The following CTNND2 variants were observed in gnomAD, a reference collection of about 807,000 sequenced individuals.
CTNND2 encodes catenin delta 2.
A neutral mutation model predicts 144.4 loss-of-function variants in CTNND2; 22 were observed. The ratio of observed to expected loss-of-function variants is 0.15; its 90% CI spans 0.11 to 0.22. CTNND2 has a LOEUF of 0.22. Among genes scored for constraint, CTNND2 ranks in the 10% least tolerant of loss-of-function variants. The pLI is 1.00. For missense variants in CTNND2, 1,353 were observed against 1,618.8 expected (o/e 0.84, Z 2.82); for synonymous variants, 751 against 695.6 (o/e 1.08, Z -1.25).
chr5:11,388,523 C>G (rs1026525361), intron 6 of CTNND2, among the ~76,000 whole-genome samples: 3 of 152,194 alleles, frequency 2.0e-5, no homozygotes, highest in Admixed American at 6.5e-5. Flanking sequence ...AATAAATAAA[C>G]CAGGGGTGCT....
intron 3 of CTNND2, among the ~76,000 whole-genome samples, chr5:11,533,406 A>T (rs2150058249): frequency 6.6e-6 from 1 of 152,352 alleles, no homozygotes; most frequent in African/African-American, 2.4e-5. Context: ...TAGAGCTCAC[A>T]GATGCCCCAG....
chr5:11,778,725 A>G (rs776120939), intron 1 of CTNND2, among the ~76,000 whole-genome samples: 1 of 152,192 alleles, frequency 6.6e-6, no homozygotes, highest in Non-Finnish European at 1.5e-5. Flanking sequence ...GAAAAGGAAA[A>G]GGATACTGGA....
intron 9 of CTNND2, among the ~76,000 whole-genome samples, chr5:11,336,268 T>C (rs1469811229): frequency 6.6e-6 from 1 of 152,192 alleles, no homozygotes; most frequent in Non-Finnish European, 1.5e-5. Context: ...ACCTGGACGC[T>C]CTCCACTGGT....
chr5:11,023,469 A>AT (rs1293289995), intron 16 of CTNND2, among the ~76,000 whole-genome samples: 3 of 152,216 alleles, frequency 2.0e-5, no homozygotes, highest in East Asian at 3.9e-4. Flanking sequence ...TGCGGCCTGT[A>AT]TTTTTTAAAA....
intron 2 of CTNND2, among the ~76,000 whole-genome samples, chr5:11,680,227 G>T (rs988346759): frequency 6.6e-6 from 1 of 152,104 alleles, no homozygotes; most frequent in Non-Finnish European, 1.5e-5. Context: ...AACCCCTAAG[G>T]CAGCTCTTAG....
At chr5:11,708,859 C>A (rs867521687) in intron 2 of CTNND2, among the ~76,000 whole-genome samples, 75 of 152,192 alleles carry the variant, frequency 4.9e-4, no homozygotes, top group African/African-American at 1.7e-3. Context: ...CAGGCATCCA[C>A]TGATGGGATC....
At chr5:11,250,519 A>C (rs1333235435) in intron 9 of CTNND2, among the ~76,000 whole-genome samples, 1 of 83,258 alleles carries the variant, frequency 1.2e-5, no homozygotes, top group Non-Finnish European at 2.1e-5. Flanking sequence ...ATATACATAT[A>C]TTTTTTTTTT....
chr5:11,891,279 T>A (rs899011725), intron 1 of CTNND2, among the ~76,000 whole-genome samples: 1 of 152,194 alleles, frequency 6.6e-6, no homozygotes, highest in Admixed American at 6.5e-5. Context: ...AGCTGAATAA[T>A]CACTTATTAA....
intron 1 of CTNND2, among the ~76,000 whole-genome samples, chr5:11,871,058 C>T (rs568102069): frequency 6.6e-6 from 1 of 152,246 alleles, no homozygotes; most frequent in Non-Finnish European, 1.5e-5. Context: ...GGGATTTGCC[C>T]TCTTGCAAGA....
intron 3 of CTNND2, among the ~76,000 whole-genome samples, chr5:11,469,216 T>C (rs1033167364): frequency 3.9e-5 from 6 of 152,198 alleles, no homozygotes; most frequent in African/African-American, 1.4e-4. Context: ...CAAAGTTGCA[T>C]GTGATTTCTC....
At chr5:11,689,707 G>A (rs1784809563) in intron 2 of CTNND2, among the ~76,000 whole-genome samples, 2 of 151,804 alleles carry the variant, frequency 1.3e-5, no homozygotes, top group South Asian at 4.2e-4. Context: ...GTGATATTTT[G>A]ACACTTGAGA....
chr5:11,106,789 C>T (rs1212421079), intron 14 of CTNND2, among the ~76,000 whole-genome samples: 2 of 152,150 alleles, frequency 1.3e-5, no homozygotes, highest in African/African-American at 4.8e-5. Flanking sequence ...ACTACAATCC[C>T]CAGCCTCCCT....
intron 17 of CTNND2, among the ~76,000 whole-genome samples, chr5:11,019,099 A>C (rs1741949413): frequency 6.6e-6 from 1 of 152,240 alleles, no homozygotes; most frequent in Admixed American, 6.5e-5. Flanking sequence ...CTTTTAAGGA[A>C]AGAAGATATT....
chr5:11,334,791 T>C (rs763269753), intron 9 of CTNND2, among the ~76,000 whole-genome samples: 1 of 152,206 alleles, frequency 6.6e-6, no homozygotes, highest in Non-Finnish European at 1.5e-5. Flanking sequence ...AACTCCTTCA[T>C]GTGGAGCTTC....
chr5:11,483,024 A>C (rs149339429), intron 3 of CTNND2, among the ~76,000 whole-genome samples: 2 of 152,148 alleles, frequency 1.3e-5, no homozygotes, highest in Non-Finnish European at 2.9e-5. Context: ...TCAGAGCAAT[A>C]AAATGGCTTT....
At chr5:11,191,966 C>G (rs1160768802) in intron 11 of CTNND2, among the ~76,000 whole-genome samples, 1 of 152,204 alleles carries the variant, frequency 6.6e-6, no homozygotes, top group Non-Finnish European at 1.5e-5. Flanking sequence ...AGCGGCAAAG[C>G]CTTCCACAGG....
intron 9 of CTNND2, among the ~76,000 whole-genome samples, chr5:11,282,425 T>C (rs888704698): frequency 6.6e-6 from 1 of 152,106 alleles, no homozygotes; most frequent in Non-Finnish European, 1.5e-5. Flanking sequence ...ATTTCAAACA[T>C]GATGTCGGGA....
intron 9 of CTNND2, among the ~76,000 whole-genome samples, chr5:11,282,437 G>T (rs902507660): frequency 6.6e-5 from 10 of 152,150 alleles, no homozygotes; most frequent in African/African-American, 2.4e-4. Context: ...ATGTCGGGAA[G>T]ATAATCACGT....
At chr5:11,209,183 T>C (rs1209419962) in intron 10 of CTNND2, among the ~76,000 whole-genome samples, 1 of 152,232 alleles carries the variant, frequency 6.6e-6, no homozygotes, top group Non-Finnish European at 1.5e-5. Flanking sequence ...AGGGATTTTC[T>C]AGAACATGAC....
Sources: gnomAD v4.1 joint callset for allele counts (sites outside exome capture counted in the v4.1 genomes callset) on GRCh38, gnomAD v4.1.1 for gene constraint, MANE v1.5 for transcripts, NCBI Gene and HGNC (gene_info 2026-07-23, HGNC 2026-07-21) for gene names.